The following KCNAB1 variants were observed in gnomAD, a reference collection of about 807,000 sequenced individuals.
The protein encoded by KCNAB1 is voltage-gated potassium channel subunit beta-1.
Under a neutral mutation model 64.6 loss-of-function variants are expected in KCNAB1, and 35 were observed. The observed-to-expected ratio is 0.54, with a 90% confidence interval of 0.41 to 0.72. The LOEUF (loss-of-function observed/expected upper bound fraction) is 0.72. Ranked by LOEUF, KCNAB1 falls within the 30% of genes least tolerant of loss-of-function variation. The probability of loss-of-function intolerance (pLI) is 0.00; values close to 1 mark genes in which losing one functional copy is unlikely to be tolerated. For synonymous variants in KCNAB1, 177 were observed against 183.8 expected (o/e 0.96, Z 0.30); for missense variants, 401 against 512.9 (o/e 0.78, Z 2.11).
chr3:156,193,332 A>G (rs1713686056), intron 1 of KCNAB1, among the ~76,000 whole-genome samples: 1 of 152,208 alleles, frequency 6.6e-6, no homozygotes, highest in Non-Finnish European at 1.5e-5. Flanking sequence ...TTCAGCATAC[A>G]GTATTTAATA....
chr3:156,310,706 A>G (rs1437359505), intron 1 of KCNAB1, among the ~76,000 whole-genome samples: 3 of 152,190 alleles, frequency 2.0e-5, no homozygotes, highest in Admixed American at 6.5e-5. Context: ...CGGGAGGCTG[A>G]GGCAGGAGAA....
intron 1 of KCNAB1, among the ~76,000 whole-genome samples, chr3:156,243,957 G>A (rs1576639246): frequency 2.0e-5 from 3 of 152,278 alleles, no homozygotes; most frequent in African/African-American, 7.2e-5. Flanking sequence ...AGAGGCTGTA[G>A]CTTCCATGGA....
chr3:156,335,850 T>TG (rs200787036), intron 1 of KCNAB1, among the ~76,000 whole-genome samples: 9 of 129,762 alleles, frequency 6.9e-5, no homozygotes, highest in African/African-American at 3.3e-4. Flanking sequence ...TAAAATTGTT[T>TG]GGGTTTTTTT....
At chr3:156,380,180 T>C (rs2108145480) in intron 1 of KCNAB1, among the ~76,000 whole-genome samples, 1 of 152,258 alleles carries the variant, frequency 6.6e-6, no homozygotes, top group Non-Finnish European at 1.5e-5. Flanking sequence ...CTGATCCTTC[T>C]CCAGCGCCTT....
chr3:156,206,467 C>T (rs1430574770), intron 1 of KCNAB1, among the ~76,000 whole-genome samples: 2 of 152,164 alleles, frequency 1.3e-5, no homozygotes, highest in Non-Finnish European at 2.9e-5. Flanking sequence ...AGGCTATAAA[C>T]AAGCACTTTA....
At chr3:156,197,810 T>G (rs942275974) in intron 1 of KCNAB1, among the ~76,000 whole-genome samples, 3 of 152,194 alleles carry the variant, frequency 2.0e-5, no homozygotes, top group African/African-American at 7.2e-5. Flanking sequence ...TGCTCTGACC[T>G]TAGTTATTTC....
At chr3:156,279,059 T>G (rs978243821) in intron 1 of KCNAB1, among the ~76,000 whole-genome samples, 4 of 151,962 alleles carry the variant, frequency 2.6e-5, no homozygotes, top group Admixed American at 6.6e-5. Flanking sequence ...CTGGTGCGCT[T>G]CACCCACTAA....
chr3:156,426,595 T>C (rs1480146413), intron 2 of KCNAB1, among the ~76,000 whole-genome samples: 1 of 152,186 alleles, frequency 6.6e-6, no homozygotes, highest in Non-Finnish European at 1.5e-5. Flanking sequence ...TACAGAATAG[T>C]TTCACTGCTC....
At chr3:156,525,597 C>G (rs182502721) in intron 12 of KCNAB1, among the ~76,000 whole-genome samples, 30 of 152,292 alleles carry the variant, frequency 2.0e-4, no homozygotes, top group Middle Eastern at 3.4e-3. Context: ...CTCACTGCAA[C>G]CTCCGTCTCC....
rs1716979605 is a variant in KCNAB1, at chr3:156,508,710, A to G, written c.659-5654A>G. The stretch of plus-strand genomic sequence containing the variant: ...GCTTTGAAAGAATTTCACAACATCC[A>G]TATCATTTCTCACTTTACAGAAGGA... On this transcript the variant is annotated intron_variant, in intron 8 of 13. Transcript: ENST00000490337. This position sits in a 1 kb window ranked among gnomAD's most constrained non-coding sequence, Gnocchi z 4.1. Among the ~76,000 whole-genome samples the G allele has an allele frequency of 6.6e-6, 1 of 152,164 alleles. No homozygotes were observed. Among genetic ancestry groups the G allele is most frequent in the Non-Finnish European group, 1.5e-5 (1 of 68,034 alleles).
At chr3:156,234,917 C>A (rs1716762245) in intron 1 of KCNAB1, among the ~76,000 whole-genome samples, 1 of 152,144 alleles carries the variant, frequency 6.6e-6, no homozygotes, top group Admixed American at 6.5e-5. Context: ...TGATCTCTTT[C>A]TTTTCATGTA....
chr3:156,498,367 G>A (rs773735951), intron 8 of KCNAB1, among the ~76,000 whole-genome samples: 4 of 152,156 alleles, frequency 2.6e-5, no homozygotes, highest in Non-Finnish European at 5.9e-5. Context: ...GTTGTGGGAG[G>A]AACCTGGTGG....
At chr3:156,253,416 C>T (rs1235157074) in intron 1 of KCNAB1, among the ~76,000 whole-genome samples, 1 of 152,150 alleles carries the variant, frequency 6.6e-6, no homozygotes. Flanking sequence ...TGCCTCAGTT[C>T]TATTCCTGGG....
chr3:156,134,776 G>A (rs1714222239), intron 1 of KCNAB1, among the ~76,000 whole-genome samples: 1 of 152,140 alleles, frequency 6.6e-6, no homozygotes, highest in Admixed American at 6.5e-5. Context: ...CTCAGCCAAA[G>A]AAAACATTCT....
intron 1 of KCNAB1, among the ~76,000 whole-genome samples, chr3:156,360,726 TAAA>T (rs879725781): frequency 7.1e-6 from 1 of 140,380 alleles, no homozygotes. Flanking sequence ...TCCCTCTATT[TAAA>T]AAAAAAAAAA....
chr3:156,443,909 G>A (rs1355599381), intron 2 of KCNAB1, among the ~76,000 whole-genome samples: 1 of 152,036 alleles, frequency 6.6e-6, no homozygotes, highest in African/African-American at 2.4e-5. Flanking sequence ...TTTGTAAAAG[G>A]CAGGTGTGAA....
At chr3:156,330,804 G>A (rs938062091) in intron 1 of KCNAB1, among the ~76,000 whole-genome samples, 15 of 152,128 alleles carry the variant, frequency 9.9e-5, no homozygotes, top group Non-Finnish European at 2.2e-4. Flanking sequence ...GTAAGCCTCA[G>A]CTCACTTCTG....
intron 1 of KCNAB1, among the ~76,000 whole-genome samples, chr3:156,264,833 A>G (rs1325475942): frequency 6.6e-6 from 1 of 152,236 alleles, no homozygotes; most frequent in Non-Finnish European, 1.5e-5. Context: ...TATAGGGAAT[A>G]AAAAGCTCTT....
intron 1 of KCNAB1, among the ~76,000 whole-genome samples, chr3:156,359,295 C>T (rs1725455336): frequency 6.6e-6 from 1 of 152,204 alleles, no homozygotes; most frequent in Non-Finnish European, 1.5e-5. Context: ...CATTTCTCCT[C>T]TCCTCAGCTC....
Sources: allele counts gnomAD v4.1 joint callset (sites outside exome capture counted in the v4.1 genomes callset), GRCh38; gene constraint gnomAD v4.1.1; non-coding constraint Gnocchi (gnomAD v3.1); transcripts MANE v1.5; gene names NCBI Gene and HGNC (gene_info 2026-07-23, HGNC 2026-07-21).